TANC2: variants seen among roughly 807,000 people sequenced by gnomAD.
The protein encoded by TANC2 is protein TANC2.
A neutral mutation model predicts 210.5 loss-of-function variants in TANC2; 26 were observed. The observed-to-expected ratio is 0.12, with a 90% CI of 0.09 to 0.17. The LOEUF (loss-of-function observed/expected upper bound fraction) is 0.17, where lower values mean the gene tolerates loss of function less well. Among genes scored for constraint, TANC2 ranks in the 10% least tolerant of loss-of-function variants. The probability of loss-of-function intolerance (pLI) is 1.00; values close to 1 mark genes in which losing one functional copy is unlikely to be tolerated. For missense variants in TANC2, 2,129 were observed against 2,608.9 expected, an observed-to-expected ratio of 0.82 and a Z score of 4.01; for synonymous variants, 931 against 967.1, an observed-to-expected ratio of 0.96 and a Z score of 0.69.
chr17:63,066,090 G>A (rs1332242896), intron 2 of TANC2, among the ~76,000 whole-genome samples: 1 of 152,028 alleles, frequency 6.6e-6, no homozygotes, highest in Non-Finnish European at 1.5e-5. Flanking sequence ...CTGTTGTCAG[G>A]GTCTATTGGG....
chr17:63,213,753 A>T (rs2041952230), intron 7 of TANC2, among the ~76,000 whole-genome samples: 1 of 152,272 alleles, frequency 6.6e-6, no homozygotes, highest in Non-Finnish European at 1.5e-5. Context: ...TGTGAAATGA[A>T]GTTTTCATTA....
intron 4 of TANC2, among the ~76,000 whole-genome samples, chr17:63,122,493 T>G (rs2038523420): frequency 6.6e-6 from 1 of 152,162 alleles, no homozygotes; most frequent in Admixed American, 6.5e-5. Context: ...TCCCAGCACT[T>G]TGGGAAGCCA....
intron 5 of TANC2, among the ~76,000 whole-genome samples, chr17:63,185,251 C>T (rs1361072694): frequency 1.3e-5 from 2 of 152,102 alleles, no homozygotes; most frequent in Non-Finnish European, 2.9e-5. Context: ...CCACCACACC[C>T]GGCTAGTTTT....
chr17:63,053,773 T>C (rs897164695), intron 2 of TANC2, among the ~76,000 whole-genome samples: 7 of 152,234 alleles, frequency 4.6e-5, no homozygotes, highest in African/African-American at 1.7e-4. Flanking sequence ...CCTGTCTTAG[T>C]AAGTTGCAAG....
At chr17:63,354,809 T>A in exon 14 of TANC2, 2 of 1,577,942 alleles carry the variant, frequency 1.3e-6, no homozygotes, top group Non-Finnish European at 1.7e-6. Flanking sequence ...TGCCTTTCCA[T>A]AGGATTTTTT....
intron 5 of TANC2, among the ~76,000 whole-genome samples, chr17:63,183,117 T>C (rs755211623): frequency 2.6e-4 from 39 of 152,262 alleles, no homozygotes; most frequent in Non-Finnish European, 2.5e-4. Flanking sequence ...TGCACTTTGC[T>C]TTCATTATTA....
intron 1 of TANC2, among the ~76,000 whole-genome samples, chr17:62,973,768 A>G (rs186678401): frequency 8.5e-5 from 13 of 152,316 alleles, no homozygotes; most frequent in Admixed American, 7.8e-4. Context: ...AATCCAGCCC[A>G]TTGTCTGTTT....
At position 63,340,288 on chromosome 17, in the gene TANC2, C is replaced by T. The variant is rs1383716664; in HGVS notation, c.1763C>T (p.Ser588Phe). ...TCCTGTGTTCAAGACCCCATGGCCT[C>T]CTTCCGGAGGGGAGTTCTGGAGCCA... Residue 588 changes from serine (S) to phenylalanine (F), a missense_variant, in exon 12 of 28, where the codon TCC becomes TTC. Ser to Phe is a radical substitution (Grantham distance 155). Coordinates refer to ENST00000689528, the Ensembl canonical transcript of TANC2. The T allele has an allele frequency of 3.7e-6, 6 of 1,613,760 alleles. No individual in the cohort carries two copies. In the African/African-American group the frequency reaches 4.0e-5, roughly 11 times the overall value.
rs1227568776 is a variant in TANC2, at chr17:63,190,356, G to T, written c.434-3635G>T. Among the ~76,000 whole-genome samples the T allele has an allele frequency of 3.4e-5, 5 of 148,942 alleles. No individual in the cohort carries two copies. In the East Asian group the frequency reaches 7.8e-4, roughly 23 times the overall value. ...CCCTGTCCTAGAAAAGAAAAAAAAA[G>T]ATCAATTGACCATAATGTAAGAGTA... On this transcript the variant is annotated intron_variant, in intron 5 of 27. Transcript: ENST00000689528.
rs541400851 is a variant in TANC2, at chr17:63,304,419, G to A, written c.1160-9969G>A. Among the ~76,000 whole-genome samples, 6 of 152,266 alleles carry A rather than the reference G, an allele frequency of 3.9e-5. No individual in the cohort carries two copies. The South Asian group carries it at 1.0e-3, about 26-fold the overall frequency. On this transcript the variant is annotated intron_variant, in intron 9 of 27. Coordinates refer to ENST00000689528, the Ensembl canonical transcript of TANC2. ...ACTCCTGTGCCTGGAATTCTCACTC[G>A]AGGAGGCTGGAGAGCAGCAAAGATG...
chr17:63,114,856 T>C (rs1252808925), intron 4 of TANC2, among the ~76,000 whole-genome samples: 1 of 152,190 alleles, frequency 6.6e-6, no homozygotes, highest in East Asian at 1.9e-4. Context: ...TAAATCTCTC[T>C]CCACCCTTAA....
At chr17:62,991,119 G>C (rs1389533285) in intron 1 of TANC2, among the ~76,000 whole-genome samples, 1 of 152,128 alleles carries the variant, frequency 6.6e-6, no homozygotes, top group Non-Finnish European at 1.5e-5. Context: ...TGGAATCAGA[G>C]AGCAAAGGGG....
intron 15 of TANC2, among the ~76,000 whole-genome samples, chr17:63,380,217 T>C (rs1359674056): frequency 2.0e-5 from 3 of 152,198 alleles, no homozygotes; most frequent in African/African-American, 7.2e-5. Flanking sequence ...TTAGTGACAA[T>C]AATAACATTC....
chr17:63,418,908 A>G lies in TANC2; in HGVS notation c.4268+501A>G, dbSNP rs1380436162. Among the ~76,000 whole-genome samples the G allele has an allele frequency of 2.6e-5, 4 of 151,958 alleles. No homozygotes were observed. The highest frequency in any genetic ancestry group is 7.3e-5 in the African/African-American group (3 of 41,348). On this transcript the variant is annotated intron_variant, in intron 27 of 27. Coordinates refer to ENST00000689528, the Ensembl canonical transcript of TANC2. This position sits in a 1 kb window ranked among gnomAD's most constrained non-coding sequence, Gnocchi z 4.6. ...GGTGGCATCAGACCCCCTTCCACCTAAACCATCACCCACCACACACACACA... is the reference window on the plus strand; with the variant it reads ...GGTGGCATCAGACCCCCTTCCACCTGAACCATCACCCACCACACACACACA...
At chr17:63,156,356 A>G (rs1019084772) in intron 5 of TANC2, among the ~76,000 whole-genome samples, 1 of 152,232 alleles carries the variant, frequency 6.6e-6, no homozygotes, top group Middle Eastern at 3.4e-3. Flanking sequence ...TTCTCAAAAC[A>G]GTTGGTAACC....
At chr17:63,183,378 G>A (rs569334702) in intron 5 of TANC2, among the ~76,000 whole-genome samples, 1 of 152,258 alleles carries the variant, frequency 6.6e-6, no homozygotes, top group South Asian at 2.1e-4. Context: ...TCTCTATTTA[G>A]TAGTGCAAGA....
chr17:63,304,939 G>A (rs1029524675), intron 9 of TANC2, among the ~76,000 whole-genome samples: 1 of 152,196 alleles, frequency 6.6e-6, no homozygotes, highest in South Asian at 2.1e-4. Context: ...GCTCCGGCAG[G>A]GGAAAGCGCA....
At chr17:63,400,407 A>G (rs945884486) in intron 19 of TANC2, among the ~76,000 whole-genome samples, 1 of 152,216 alleles carries the variant, frequency 6.6e-6, no homozygotes, top group Non-Finnish European at 1.5e-5. Context: ...ATAAAATTTT[A>G]TGGCCTCAGG....
intron 3 of TANC2, among the ~76,000 whole-genome samples, chr17:63,096,621 T>C (rs890639963): frequency 2.0e-5 from 3 of 152,198 alleles, no homozygotes; most frequent in Admixed American, 6.5e-5. Context: ...TGTATAAATA[T>C]GCCACATTTT....
Sources: allele counts gnomAD v4.1 joint callset (sites outside exome capture counted in the v4.1 genomes callset), GRCh38; gene constraint gnomAD v4.1.1; non-coding constraint Gnocchi (gnomAD v3.1); transcripts MANE v1.5; gene names NCBI Gene and HGNC (gene_info 2026-07-23, HGNC 2026-07-21).